CDH4: variants seen among roughly 807,000 people sequenced by gnomAD.
CDH4 encodes cadherin-4.
Under a neutral mutation model 86.0 loss-of-function variants are expected in CDH4, and 33 were observed. The observed-to-expected ratio is 0.38, with a 90% CI of 0.29 to 0.51. The LOEUF is 0.51. Among genes scored for constraint, CDH4 ranks in the 20% least tolerant of loss-of-function variants. The pLI is 0.86. For synonymous variants in CDH4, 555 were observed against 549.4 expected (o/e 1.01, Z -0.14); for missense variants, 1,114 against 1,307.4 (o/e 0.85, Z 2.28).
At chr20:61,687,780 C>T (rs971926060) in intron 2 of CDH4, among the ~76,000 whole-genome samples, 1 of 152,158 alleles carries the variant, frequency 6.6e-6, no homozygotes, top group African/African-American at 2.4e-5. Context: ...TTTTAAAAAA[C>T]CAGAAATGTG....
chr20:61,315,965 G>A (rs1287378904), intron 2 of CDH4, among the ~76,000 whole-genome samples: 1 of 152,196 alleles, frequency 6.6e-6, no homozygotes, highest in African/African-American at 2.4e-5. Context: ...GCCCCTGGGT[G>A]GAGGACTTCC....
At chr20:61,361,062 A>T (rs539183599) in intron 2 of CDH4, among the ~76,000 whole-genome samples, 1 of 152,282 alleles carries the variant, frequency 6.6e-6, no homozygotes, top group African/African-American at 2.4e-5. Context: ...ACTCAGGGAA[A>T]AGCAGGCAAG....
chr20:61,798,336 CCTGG>C (rs1979655444), intron 4 of CDH4, among the ~76,000 whole-genome samples: 1 of 152,214 alleles, frequency 6.6e-6, no homozygotes, highest in Non-Finnish European at 1.5e-5. Context: ...TCAGCCTCTC[CCTGG>C]CCCCACGGGC....
intron 4 of CDH4, among the ~76,000 whole-genome samples, chr20:61,795,670 C>T (rs897449781): frequency 7.2e-5 from 11 of 152,186 alleles, no homozygotes; most frequent in African/African-American, 2.7e-4. Flanking sequence ...CTGGGATGTG[C>T]AGCTTGCTTT....
intron 2 of CDH4, among the ~76,000 whole-genome samples, chr20:61,397,743 G>A (rs1464103958): frequency 6.6e-6 from 1 of 152,182 alleles, no homozygotes; most frequent in Non-Finnish European, 1.5e-5. Context: ...TTGTGACTGA[G>A]TTATCGGTGC....
At position 61,377,617 on chromosome 20, in the gene CDH4, A is replaced by G. The variant is rs1357552883; in HGVS notation, c.169+122680A>G. Reference sequence around the variant, plus strand: ...GTCGCTTTAGCTTTCAAACAACTGTAGTGTCTTTAACTTTATCTGAAGAAC... The same window carrying G: ...GTCGCTTTAGCTTTCAAACAACTGTGGTGTCTTTAACTTTATCTGAAGAAC... On this transcript the variant is annotated intron_variant, in intron 2 of 15. Transcript: ENST00000614565. This position sits in a 1 kb window ranked among gnomAD's most constrained non-coding sequence, Gnocchi z 4.0. Among the ~76,000 whole-genome samples the G allele has an allele frequency of 1.3e-5, 2 of 152,206 alleles. No homozygotes were observed. Among genetic ancestry groups the G allele is most frequent in the Non-Finnish European group, 2.9e-5 (2 of 68,032 alleles).
chr20:61,833,001 G>C (rs953288963), intron 4 of CDH4, among the ~76,000 whole-genome samples: 1 of 152,174 alleles, frequency 6.6e-6, no homozygotes, highest in African/African-American at 2.4e-5. Context: ...CAGCAGAAGG[G>C]GAGAGAGTAC....
In CDH4 at chr20:61,676,265, C is replaced by A. The variant is rs998943305; in HGVS notation, c.170-67298C>A. Among the ~76,000 whole-genome samples, 4 of 152,264 alleles carry A rather than the reference C, an allele frequency of 2.6e-5. No homozygotes were observed. The highest frequency in any genetic ancestry group is 4.4e-5 in the Non-Finnish European group (3 of 68,006). On this transcript the variant is annotated intron_variant, in intron 2 of 15. Coordinates refer to ENST00000614565, the MANE Select transcript of CDH4 (RefSeq NM_001794.5). This position sits in a 1 kb window ranked among gnomAD's most constrained non-coding sequence, Gnocchi z 4.5. Reference sequence around the variant, plus strand: ...GCTGTAATTGACTCAAGTCTATTTGCCAGCCACAAAGACAATCTTTATAAA... The same window carrying A: ...GCTGTAATTGACTCAAGTCTATTTGACAGCCACAAAGACAATCTTTATAAA...
intron 2 of CDH4, among the ~76,000 whole-genome samples, chr20:61,391,721 G>A (rs1388591910): frequency 6.6e-6 from 1 of 152,188 alleles, no homozygotes; most frequent in Non-Finnish European, 1.5e-5. Context: ...GAAAAGCGGA[G>A]AACCAGTGCT....
chr20:61,633,902 C>G (rs773358283), intron 2 of CDH4, among the ~76,000 whole-genome samples: 2 of 152,164 alleles, frequency 1.3e-5, no homozygotes, highest in Non-Finnish European at 2.9e-5. Context: ...CTCAGAAACA[C>G]GAGGGCTTTC....
intron 2 of CDH4, among the ~76,000 whole-genome samples, chr20:61,440,042 A>T (rs1265148388): frequency 1.3e-5 from 2 of 152,222 alleles, no homozygotes; most frequent in African/African-American, 4.8e-5. Context: ...CCTATCCATA[A>T]AGCCTCAGTG....
chr20:61,595,211 G>A (rs371589339), intron 2 of CDH4, among the ~76,000 whole-genome samples: 2 of 152,220 alleles, frequency 1.3e-5, no homozygotes, highest in Admixed American at 6.5e-5. Flanking sequence ...TGCTGCCAAT[G>A]TCTGGGTATG....
chr20:61,300,538 C>T (rs1381808485), intron 2 of CDH4, among the ~76,000 whole-genome samples: 1 of 152,138 alleles, frequency 6.6e-6, no homozygotes, highest in Admixed American at 6.5e-5. Context: ...CCCGTCTGCC[C>T]TGCCGGGCTC....
At chr20:61,394,783 G>A (rs559078163) in intron 2 of CDH4, among the ~76,000 whole-genome samples, 1 of 150,108 alleles carries the variant, frequency 6.7e-6, no homozygotes, top group African/African-American at 2.4e-5. Context: ...TTAAATGTTG[G>A]AAACTTCGTA....
chr20:61,612,489 A>C (rs1263129556), intron 2 of CDH4, among the ~76,000 whole-genome samples: 1 of 152,052 alleles, frequency 6.6e-6, no homozygotes, highest in Non-Finnish European at 1.5e-5. Flanking sequence ...TCCCATGTTA[A>C]TGAGGGTGCC....
At position 61,811,314 on chromosome 20, in the gene CDH4, C is replaced by T. The variant is rs750784513; in HGVS notation, c.577-33354C>T. On this transcript the variant is annotated intron_variant, in intron 4 of 15. Transcript: ENST00000614565. The surrounding 1 kb of genome is among the most constrained non-coding windows in gnomAD (Gnocchi z 4.4). ...GATCCACATGCCGGCAGCCCAAGAC[C>T]GCCCTCATCGGGGGTGGGAATGAAA... 2.0e-4 allele frequency among the ~76,000 whole-genome samples: 30 copies of T among 152,330 alleles called. No individual in the cohort carries two copies. The highest frequency in any genetic ancestry group is 3.9e-4 in the East Asian group (2 of 5,182).
At chr20:61,385,916 TGCATCA>T (rs2084948717) in intron 2 of CDH4, among the ~76,000 whole-genome samples, 1 of 152,218 alleles carries the variant, frequency 6.6e-6, no homozygotes, top group African/African-American at 2.4e-5. Context: ...CTGCGGTTCA[TGCATCA>T]TGTGGGTAAG....
At chr20:61,785,801 T>C (rs377717655) in intron 4 of CDH4, among the ~76,000 whole-genome samples, 1 of 152,252 alleles carries the variant, frequency 6.6e-6, no homozygotes, top group East Asian at 1.9e-4. Flanking sequence ...TTAGCCACTT[T>C]CTTAGAGGGC....
chr20:61,474,821 C>G (rs1277945195), intron 2 of CDH4, among the ~76,000 whole-genome samples: 1 of 152,088 alleles, frequency 6.6e-6, no homozygotes, highest in Non-Finnish European at 1.5e-5. Flanking sequence ...AGCAAATACT[C>G]TAGAGCTGTC....
Sources: gnomAD v4.1 joint callset for allele counts (sites outside exome capture counted in the v4.1 genomes callset) on GRCh38, gnomAD v4.1.1 for gene constraint, Gnocchi (gnomAD v3.1) non-coding constraint, MANE v1.5 for transcripts, NCBI Gene and HGNC (gene_info 2026-07-23, HGNC 2026-07-21) for gene names.